The following TTLL1 variants were observed in gnomAD, a reference collection of about 807,000 sequenced individuals.
TTLL1 encodes TTL family tubulin polyglutamylase complex subunit L1, also known as polyglutamylase complex subunit TTLL1.
A neutral mutation model predicts 47.8 loss-of-function variants in TTLL1; 33 were observed. The observed-to-expected ratio is 0.69, with a 90% CI of 0.52 to 0.92. TTLL1 has a LOEUF of 0.92. Among genes scored for constraint, TTLL1 ranks in the 40% least tolerant of loss-of-function variants. TTLL1 has a pLI of 0.00. For synonymous variants in TTLL1, 225 were observed against 214.1 expected, an observed-to-expected ratio of 1.05 and a Z score of -0.45; for missense variants, 488 against 547.5, an observed-to-expected ratio of 0.89 and a Z score of 1.08.
rs11343949 is a variant in TTLL1, at chr22:43,057,278, T to TA, written c.891+2105dup. Reference sequence around the variant, plus strand: ...AATGAGACTCCGTCTCAAATTAAATTAAAAAAAAAAAAAAAAAAAAAGCAG... The same window carrying TA: ...AATGAGACTCCGTCTCAAATTAAATTAAAAAAAAAAAAAAAAAAAAAAGCAG... On this transcript the variant is annotated intron_variant, in intron 8 of 10. Coordinates refer to ENST00000266254, the MANE Select transcript of TTLL1 (RefSeq NM_012263.5). Among the ~76,000 whole-genome samples the TA allele has an allele frequency of 3.5e-3, 466 of 132,290 alleles. 3 individuals carry two copies. Among genetic ancestry groups the TA allele is most frequent in the African/African-American group, 0.011 (415 of 36,422 alleles). 86.8% of individuals were successfully genotyped at this position (132,290 alleles called of 152,430 possible). A position where few individuals can be genotyped will look rare whatever the true frequency, so the allele number is the denominator to read the frequency against.
At chr22:43,040,630 G>T (rs1356875449) in intron 10 of TTLL1, among the ~76,000 whole-genome samples, 1 of 152,172 alleles carries the variant, frequency 6.6e-6, no homozygotes, top group African/African-American at 2.4e-5. Context: ...ATTTTTAGTA[G>T]AGACAGGGTT....
intron 7 of TTLL1, among the ~76,000 whole-genome samples, chr22:43,062,808 C>A (rs1389008763): frequency 1.3e-5 from 2 of 152,112 alleles, no homozygotes; most frequent in Admixed American, 6.6e-5. Context: ...GCCGGGGCAA[C>A]AGAGCGAGAC....
intron 3 of TTLL1, among the ~76,000 whole-genome samples, chr22:43,070,715 G>GTGGT (rs1569438777): frequency 6.6e-6 from 1 of 152,020 alleles, no homozygotes; most frequent in African/African-American, 2.4e-5. Flanking sequence ...ACCAGTTAAC[G>GTGGT]GCACGTGGCC....
intron 8 of TTLL1, among the ~76,000 whole-genome samples, chr22:43,056,229 C>T (rs533795714): frequency 3.3e-5 from 5 of 151,842 alleles, no homozygotes; most frequent in South Asian, 2.1e-4. Context: ...CGTGGTGGCG[C>T]GCACTTGTAG....
chr22:43,082,214 T>C (rs1456544133), intron 1 of TTLL1, among the ~76,000 whole-genome samples: 1 of 151,732 alleles, frequency 6.6e-6, no homozygotes, highest in Non-Finnish European at 1.5e-5. Flanking sequence ...TAATAATATC[T>C]ACAAAGGCTC....
Position 43,068,543 on chromosome 22 carries a change from C to T in TTLL1, c.370G>A (p.Val124Ile). Residue 124 changes from valine to isoleucine, a missense_variant, in exon 5 of 11, where the codon GTA (valine) becomes ATA (isoleucine). By Grantham distance (29) the Val-to-Ile change is conservative. Transcript: ENST00000266254. ...YMLPADYNLF[V>I]EEFRKSPSST... ...GACGGGCTCTTCCGGAACTCCTCTA[C>T]AAACAGGTTGTAGTCAGCGGGCAGC... 1.3e-6 allele frequency: 2 copies of T among 1,561,218 alleles called. No individual in the cohort carries two copies. Among genetic ancestry groups the T allele is most frequent in the Non-Finnish European group, 1.8e-6 (2 of 1,142,136 alleles).
At chr22:43,084,153 A>G (rs543001544) in intron 1 of TTLL1, among the ~76,000 whole-genome samples, 9 of 148,398 alleles carry the variant, frequency 6.1e-5, no homozygotes, top group African/African-American at 2.2e-4. Flanking sequence ...CTCTAAACAT[A>G]TTTTTTTTCT....
At chr22:43,040,606 C>G (rs561758118) in intron 10 of TTLL1, among the ~76,000 whole-genome samples, 2 of 152,278 alleles carry the variant, frequency 1.3e-5, no homozygotes, top group Non-Finnish European at 2.9e-5. Context: ...CCACCACACC[C>G]AGCAAATTTT....
At chr22:43,080,916 T>TTTTTTTTTTA (rs1928840247) in intron 1 of TTLL1, among the ~76,000 whole-genome samples, 1 of 71,398 alleles carries the variant, frequency 1.4e-5, no homozygotes, top group African/African-American at 4.1e-5. Context: ...TTTTTTTTTT[T>TTTTTTTTTTA]TTTTTTTTTT....
intron 5 of TTLL1, among the ~76,000 whole-genome samples, chr22:43,065,505 G>C (rs957054888): frequency 2.0e-5 from 3 of 152,082 alleles, no homozygotes; most frequent in African/African-American, 7.2e-5. Flanking sequence ...GGCCAGGCTA[G>C]TCTCAAACTC....
intron 7 of TTLL1, 141 bp from the exon 8 acceptor site, chr22:43,059,668 C>T (rs1485514442): frequency 2.8e-6 from 3 of 1,064,170 alleles, no homozygotes; most frequent in East Asian, 2.8e-5. Context: ...CAGACCCCTG[C>T]CCCAGGGAGA....
At chr22:43,047,355 T>C (rs1926223140) in intron 9 of TTLL1, among the ~76,000 whole-genome samples, 1 of 152,100 alleles carries the variant, frequency 6.6e-6, no homozygotes. Flanking sequence ...TTCCAACACA[T>C]GGAAAGGTGG....
At chr22:43,071,276 G>T (rs1290041454) in intron 3 of TTLL1, among the ~76,000 whole-genome samples, 1 of 152,074 alleles carries the variant, frequency 6.6e-6, no homozygotes, top group Non-Finnish European at 1.5e-5. Context: ...GGTGCCTCAA[G>T]AACAGTTCAT....
chr22:43,060,349 GCCAGGTGTCAGC>G lies in TTLL1; in HGVS notation c.748-834_748-823del, dbSNP rs199780872. On this transcript the variant is annotated intron_variant, in intron 7 of 10. Coordinates refer to ENST00000266254, the MANE Select transcript of TTLL1 (RefSeq NM_012263.5). ...CAACAGCATACCATGTCTGGCTGAT[GCCAGGTGTCAGC>G]CCCTGCTCCCTCCAGGACAGCTCTG... Among the ~76,000 whole-genome samples, 442 of 152,304 alleles carry G rather than the reference GCCAGGTGTCAGC, an allele frequency of 2.9e-3. 1 individual carries two copies. Among genetic ancestry groups the G allele is most frequent in the African/African-American group, 0.01 (426 of 41,560 alleles).
intron 10 of TTLL1, among the ~76,000 whole-genome samples, chr22:43,041,472 G>A (rs531814200): frequency 6.6e-6 from 1 of 151,906 alleles, no homozygotes; most frequent in South Asian, 2.1e-4. Context: ...TTTCTGCATT[G>A]TGCTTCTGGT....
rs774650564 is a variant in TTLL1 at position 43,064,258 on chromosome 22, A to G, written c.570T>C (p.Ile190=). The G allele has an allele frequency of 7.4e-6, 12 of 1,614,196 alleles. No homozygotes were observed. Among genetic ancestry groups the G allele is most frequent in the Non-Finnish European group, 9.3e-6 (11 of 1,180,040 alleles). ...AGCGCAGGTCGAACTTCCTCCCGCC[A>G]ATTAGTAACGGGTTGTTAATATAGA... ...ISLYINNPLL[I]GGRKFDLRLY... is the part of the protein sequence containing the mutation. The change falls in exon 6 of 11, where the codon ATT becomes ATC. Residue 190 remains isoleucine (I), a synonymous_variant. Transcript: ENST00000266254.
chr22:43,057,278 T>TAAA (rs11343949), intron 8 of TTLL1, among the ~76,000 whole-genome samples: 1 of 132,318 alleles, frequency 7.6e-6, no homozygotes, highest in African/African-American at 2.7e-5. Context: ...CAAATTAAAT[T>TAAA]AAAAAAAAAA....
chr22:43,061,881 C>T (rs1427021374), intron 7 of TTLL1, among the ~76,000 whole-genome samples: 1 of 152,200 alleles, frequency 6.6e-6, no homozygotes, highest in Non-Finnish European at 1.5e-5. Context: ...GCTCCAGCAC[C>T]GCTTTGCAGG....
chr22:43,059,232 G>A, intron 8 of TTLL1, 152 bp downstream of exon 8: 2 of 1,078,230 alleles, frequency 1.9e-6, no homozygotes, highest in Non-Finnish European at 2.6e-6. Context: ...GACCTCAGGT[G>A]ATCCGCCCGC....
Sources: allele counts gnomAD v4.1 joint callset (sites outside exome capture counted in the v4.1 genomes callset), GRCh38; gene constraint gnomAD v4.1.1; transcripts MANE v1.5; gene names NCBI Gene and HGNC (gene_info 2026-07-23, HGNC 2026-07-21).